ARHGEF28: variants seen among roughly 807,000 people sequenced by gnomAD.
ARHGEF28 encodes 190 kDa guanine nucleotide exchange factor.
In ARHGEF28, 152 loss-of-function variants were observed where a neutral mutation model predicts 206.6. The observed-to-expected ratio is 0.74, with a 90% CI of 0.64 to 0.84. ARHGEF28 has a LOEUF of 0.84. ARHGEF28 is among the 40% of genes least tolerant of loss of function. The probability of loss-of-function intolerance (pLI) is 0.00; values close to 1 mark genes in which losing one functional copy is unlikely to be tolerated. For missense variants in ARHGEF28, 2,028 were observed against 2,073.2 expected (o/e 0.98, Z 0.42); for synonymous variants, 763 against 776.4 (o/e 0.98, Z 0.29).
chr5:73,741,094 T>A (rs2112374406), intron 2 of ARHGEF28, among the ~76,000 whole-genome samples: 1 of 152,170 alleles, frequency 6.6e-6, no homozygotes, highest in South Asian at 2.1e-4. Context: ...GCCAGATACT[T>A]GTTTTCACTT....
chr5:73,812,933 A>T (rs2931432), intron 9 of ARHGEF28, among the ~76,000 whole-genome samples: 47,046 of 152,000 alleles, frequency 0.31, 9,035 homozygotes, highest in East Asian at 0.49. Context: ...GTGAGACTGG[A>T]TTGTTAAATG....
intron 29 of ARHGEF28, among the ~76,000 whole-genome samples, chr5:73,896,807 G>A (rs887214992): frequency 7.2e-5 from 11 of 152,124 alleles, no homozygotes; most frequent in Non-Finnish European, 1.3e-4. Flanking sequence ...TTTCACTAAC[G>A]CTGGGTTGTA....
intron 1 of ARHGEF28, among the ~76,000 whole-genome samples, chr5:73,664,293 A>G (rs903439364): frequency 3.3e-5 from 5 of 152,314 alleles, no homozygotes; most frequent in African/African-American, 9.6e-5. Context: ...CTTCTTGTCC[A>G]TCTATTTATT....
chr5:73,674,954 G>A (rs1184891407), intron 1 of ARHGEF28, among the ~76,000 whole-genome samples: 5 of 152,090 alleles, frequency 3.3e-5, no homozygotes, highest in Non-Finnish European at 5.9e-5. Flanking sequence ...TGTACCCTTC[G>A]TAATATCCTT....
At chr5:73,671,817 G>A (rs1031333413) in intron 1 of ARHGEF28, among the ~76,000 whole-genome samples, 6 of 101,552 alleles carry the variant, frequency 5.9e-5, no homozygotes, top group African/African-American at 1.9e-4. Flanking sequence ...GTGCAGTGGC[G>A]CGATCTCAGC....
intron 10 of ARHGEF28, among the ~76,000 whole-genome samples, chr5:73,837,244 C>G (rs1311920914): frequency 6.6e-6 from 1 of 151,920 alleles, no homozygotes; most frequent in African/African-American, 2.4e-5. Context: ...ATCTGTAGTT[C>G]ACTTTGGGTA....
At chr5:73,935,514 G>A (rs541720233) in intron 35 of ARHGEF28, among the ~76,000 whole-genome samples, 11 of 152,094 alleles carry the variant, frequency 7.2e-5, no homozygotes, top group Non-Finnish European at 1.5e-4. Flanking sequence ...CTCAAGCTCT[G>A]TATGATAAAT....
chr5:73,911,230 T>C (rs932659337), intron 34 of ARHGEF28, 45 bp from the exon 35 acceptor site: 5 of 1,480,602 alleles, frequency 3.4e-6, no homozygotes, highest in Non-Finnish European at 4.5e-6. Flanking sequence ...GAAACTTGTA[T>C]AAGTTAGAAA....
chr5:73,937,297 C>T (rs868699784), intron 35 of ARHGEF28, among the ~76,000 whole-genome samples: 4 of 152,062 alleles, frequency 2.6e-5, no homozygotes, highest in African/African-American at 7.2e-5. Flanking sequence ...ATGTGAGTAT[C>T]GAAGTTTCCT....
At chr5:73,895,521 A>C (rs1761913240) in intron 29 of ARHGEF28, among the ~76,000 whole-genome samples, 2 of 152,180 alleles carry the variant, frequency 1.3e-5, no homozygotes, top group African/African-American at 4.8e-5. Context: ...AAGGAGTTGA[A>C]GGGAGAGATG....
At chr5:73,778,438 T>C (rs1561397571) in intron 6 of ARHGEF28, among the ~76,000 whole-genome samples, 1 of 152,234 alleles carries the variant, frequency 6.6e-6, no homozygotes, top group Non-Finnish European at 1.5e-5. Context: ...GAGTGGACTT[T>C]ATAATCACAA....
intron 10 of ARHGEF28, among the ~76,000 whole-genome samples, chr5:73,839,938 A>T (rs1444983031): frequency 1.3e-5 from 2 of 152,144 alleles, no homozygotes; most frequent in African/African-American, 4.8e-5. Flanking sequence ...TATAGTCTTT[A>T]GTTTTCTCCT....
chr5:73,731,100 G>A (rs191439642), intron 2 of ARHGEF28, among the ~76,000 whole-genome samples: 19 of 151,818 alleles, frequency 1.3e-4, no homozygotes, highest in African/African-American at 4.3e-4. Context: ...TTTAGTAACT[G>A]TGCTCAACCT....
intron 4 of ARHGEF28, among the ~76,000 whole-genome samples, chr5:73,769,368 T>A (rs1479769310): frequency 6.6e-6 from 1 of 152,198 alleles, no homozygotes; most frequent in East Asian, 1.9e-4. Context: ...AGCCATTTCC[T>A]TGCTTTTCTT....
At chr5:73,900,211 T>C (rs901101120) in intron 30 of ARHGEF28, 2 of 152,198 alleles carry the variant, frequency 1.3e-5, no homozygotes, top group Non-Finnish European at 2.9e-5. Context: ...TAAGTATTTT[T>C]ATTAAAGAAA....
chr5:73,840,375 A>G lies in ARHGEF28; in HGVS notation c.1147-105A>G, dbSNP rs955147563. The G allele has an allele frequency of 1.5e-5, 18 of 1,178,574 alleles. No individual in the cohort carries two copies. In the South Asian group the frequency reaches 1.9e-4, roughly 12 times the overall value. 73.0% of individuals were successfully genotyped at this position (1,178,574 alleles called of 1,614,324 possible). On this transcript the variant is annotated intron_variant, in intron 10 of 35. Coordinates refer to ENST00000513042, the MANE Select transcript of ARHGEF28 (RefSeq NM_001177693.2). The stretch of plus-strand genomic sequence containing the variant: ...AGTGATCTGCCAGCCTCGGCCTCCT[A>G]CCACGCCTGGCCAGAAGTTTTTAAA...
chr5:73,814,681 G>C (rs1756075026), intron 9 of ARHGEF28, among the ~76,000 whole-genome samples: 1 of 152,102 alleles, frequency 6.6e-6, no homozygotes, highest in Admixed American at 6.5e-5. Flanking sequence ...GAGCATACCT[G>C]TTCTAGGGAG....
At chr5:73,761,502 G>C (rs555856278) in intron 4 of ARHGEF28, among the ~76,000 whole-genome samples, 3 of 152,274 alleles carry the variant, frequency 2.0e-5, no homozygotes, top group Admixed American at 1.3e-4. Context: ...TTAGGGAAAT[G>C]AATAATTGTG....
At chr5:73,668,535 C>T (rs1746107504) in intron 1 of ARHGEF28, among the ~76,000 whole-genome samples, 1 of 152,174 alleles carries the variant, frequency 6.6e-6, no homozygotes, top group East Asian at 1.9e-4. Flanking sequence ...AGGGCAGAGA[C>T]CTCTTAAAGG....
Sources: gnomAD v4.1 joint callset for allele counts (sites outside exome capture counted in the v4.1 genomes callset) on GRCh38, gnomAD v4.1.1 for gene constraint, MANE v1.5 for transcripts, NCBI Gene and HGNC (gene_info 2026-07-23, HGNC 2026-07-21) for gene names.